The following NRG1 variants were observed in gnomAD, a reference collection of about 807,000 sequenced individuals.
NRG1 encodes pro-neuregulin-1, membrane-bound isoform.
A neutral mutation model predicts 63.8 loss-of-function variants in NRG1; 18 were observed. The observed-to-expected ratio is 0.28, with a 90% confidence interval of 0.19 to 0.42. The LOEUF is 0.42. Among genes scored for constraint, NRG1 ranks in the 10% least tolerant of loss-of-function variants. NRG1 has a pLI of 1.00. For missense variants in NRG1, 762 were observed against 814.7 expected (o/e 0.94, Z 0.79); for synonymous variants, 302 against 301.3 (o/e 1.00, Z -0.02).
chr8:32,703,596 A>G (rs1008845466), intron 5 of NRG1, among the ~76,000 whole-genome samples: 1 of 152,186 alleles, frequency 6.6e-6, no homozygotes, highest in East Asian at 1.9e-4. Flanking sequence ...TCTGGTCAGC[A>G]GCTGACAGGA....
intron 1 of NRG1, among the ~76,000 whole-genome samples, chr8:32,095,006 G>A (rs565481122): frequency 9.3e-5 from 14 of 150,726 alleles, no homozygotes; most frequent in African/African-American, 3.4e-4. Flanking sequence ...CTGTCTCCCT[G>A]GTTCAAGCGA....
intron 1 of NRG1, among the ~76,000 whole-genome samples, chr8:31,986,340 C>A (rs1810061771): frequency 1.3e-5 from 2 of 151,954 alleles, no homozygotes; most frequent in South Asian, 4.1e-4. Flanking sequence ...GAGCACCAGT[C>A]CACACCACAC....
intron 1 of NRG1, among the ~76,000 whole-genome samples, chr8:32,352,902 T>C (rs1034780344): frequency 1.3e-5 from 1 of 79,220 alleles, no homozygotes; most frequent in African/African-American, 3.9e-5. Context: ...TATATATACA[T>C]ATATATATAT....
chr8:32,143,234 C>CT (rs886630635), intron 1 of NRG1, among the ~76,000 whole-genome samples: 147 of 150,502 alleles, frequency 9.8e-4, no homozygotes, highest in Admixed American at 1.8e-3. Context: ...GGTGTTAAGG[C>CT]TTTTTTTTTG....
At chr8:32,093,999 C>G (rs936079000) in intron 1 of NRG1, among the ~76,000 whole-genome samples, 1 of 152,146 alleles carries the variant, frequency 6.6e-6, no homozygotes, top group Non-Finnish European at 1.5e-5. Flanking sequence ...GCTGATGGTT[C>G]CTGAGGATGT....
At chr8:32,262,399 A>G (rs1325572740) in intron 1 of NRG1, among the ~76,000 whole-genome samples, 1 of 152,154 alleles carries the variant, frequency 6.6e-6, no homozygotes, top group African/African-American at 2.4e-5. Flanking sequence ...AAAATGCTGG[A>G]GGTGTGAAAG....
intron 1 of NRG1, among the ~76,000 whole-genome samples, chr8:32,045,290 T>C (rs2130739975): frequency 6.6e-6 from 1 of 152,046 alleles, no homozygotes; most frequent in African/African-American, 2.4e-5. Context: ...GTACAAGATA[T>C]GTATGCTAAA....
intron 1 of NRG1, among the ~76,000 whole-genome samples, chr8:31,893,362 A>C (rs1429635160): frequency 2.6e-5 from 4 of 151,678 alleles, no homozygotes. Flanking sequence ...TGTATCTGAA[A>C]GTAAATATGT....
At chr8:31,656,196 G>A (rs548931332) in intron 1 of NRG1, among the ~76,000 whole-genome samples, 11 of 152,166 alleles carry the variant, frequency 7.2e-5, no homozygotes, top group Non-Finnish European at 1.3e-4. Flanking sequence ...CTTTAAAGGT[G>A]AGGCAGAGTG....
chr8:32,606,180 T>TTA (rs1053010652), intron 3 of NRG1, among the ~76,000 whole-genome samples: 3 of 148,686 alleles, frequency 2.0e-5, no homozygotes, highest in African/African-American at 4.9e-5. Context: ...TATATATGTA[T>TTA]TATATATATT....
intron 1 of NRG1, among the ~76,000 whole-genome samples, chr8:32,118,571 G>A (rs1833042397): frequency 6.6e-6 from 1 of 152,228 alleles, no homozygotes; most frequent in African/African-American, 2.4e-5. Flanking sequence ...ACAAATGGAC[G>A]AAGACAGTAC....
intron 1 of NRG1, among the ~76,000 whole-genome samples, chr8:32,169,388 T>C (rs951901329): frequency 2.0e-5 from 3 of 152,192 alleles, no homozygotes; most frequent in Non-Finnish European, 4.4e-5. Flanking sequence ...TGATGAAACG[T>C]GTAGGATTTG....
At chr8:31,856,384 C>T (rs1827872251) in intron 1 of NRG1, among the ~76,000 whole-genome samples, 1 of 152,210 alleles carries the variant, frequency 6.6e-6, no homozygotes, top group Non-Finnish European at 1.5e-5. Context: ...CGCTGATACC[C>T]TTTCTTCCAG....
At chr8:32,345,950 G>A (rs915116913) in intron 1 of NRG1, among the ~76,000 whole-genome samples, 1 of 151,840 alleles carries the variant, frequency 6.6e-6, no homozygotes, top group Non-Finnish European at 1.5e-5. Context: ...AGAAGTTGCA[G>A]TGAGCCAAGA....
intron 1 of NRG1, among the ~76,000 whole-genome samples, chr8:32,056,414 T>C (rs1340296103): frequency 1.3e-5 from 2 of 152,184 alleles, no homozygotes; most frequent in Admixed American, 6.6e-5. Context: ...CTTTCCTTTT[T>C]CTTTGCTTTT....
chr8:32,754,497 T>C, intron 8 of NRG1, 23 bp downstream of exon 8: 4 of 1,606,292 alleles, frequency 2.5e-6, no homozygotes, highest in Non-Finnish European at 3.4e-6. Context: ...TCTCCATGCC[T>C]TTCTCTCTCC....
intron 1 of NRG1, among the ~76,000 whole-genome samples, chr8:32,264,319 T>A (rs1234569365): frequency 1.3e-5 from 2 of 152,132 alleles, no homozygotes; most frequent in African/African-American, 4.8e-5. Flanking sequence ...TTAATATAAC[T>A]AATTGAATTC....
chr8:32,606,417 G>C (rs1176116543), intron 3 of NRG1, among the ~76,000 whole-genome samples: 1 of 151,872 alleles, frequency 6.6e-6, no homozygotes, highest in Non-Finnish European at 1.5e-5. Context: ...GTTCAGAATA[G>C]TACCAGGCAA....
intron 2 of NRG1, among the ~76,000 whole-genome samples, chr8:32,597,838 A>G (rs2129537959): frequency 6.6e-6 from 1 of 152,320 alleles, no homozygotes; most frequent in South Asian, 2.1e-4. Context: ...CTCATGTTTA[A>G]CAGCATATGT....
Sources: gnomAD v4.1 joint callset for allele counts (sites outside exome capture counted in the v4.1 genomes callset) on GRCh38, gnomAD v4.1.1 for gene constraint, MANE v1.5 for transcripts, NCBI Gene and HGNC (gene_info 2026-07-23, HGNC 2026-07-21) for gene names.